The following SPEF2 variants were observed in gnomAD, a reference collection of about 807,000 sequenced individuals.
SPEF2 encodes sperm flagellar and cilia associated 2, also known as sperm flagella and cilia-associated protein 2.
In SPEF2, 187 loss-of-function variants were observed where a neutral mutation model predicts 224.6. The observed-to-expected ratio is 0.83, with a 90% CI of 0.74 to 0.94. The LOEUF (loss-of-function observed/expected upper bound fraction) is 0.94, where lower values mean the gene tolerates loss of function less well. Ranked by LOEUF, SPEF2 falls within the 40% of genes least tolerant of loss-of-function variation. The pLI is 0.00. For synonymous variants in SPEF2, 715 were observed against 707.3 expected (o/e 1.01, Z -0.17); for missense variants, 2,170 against 2,135.6 (o/e 1.02, Z -0.32).
At chr5:35,667,367 A>G in intron 9 of SPEF2, 108 bp downstream of exon 9, 2 of 1,035,928 alleles carry the variant, frequency 1.9e-6, no homozygotes, top group Non-Finnish European at 2.7e-6. Flanking sequence ...AAAATGATTC[A>G]TGAAAAGACT....
chr5:35,676,280 C>A (rs1213789120), intron 10 of SPEF2, among the ~76,000 whole-genome samples: 1 of 150,250 alleles, frequency 6.7e-6, no homozygotes, highest in Non-Finnish European at 1.5e-5. Context: ...GTGGTCAGGG[C>A]TTTTCTGGGC....
chr5:35,737,646 C>T (rs866278342), intron 21 of SPEF2, among the ~76,000 whole-genome samples: 40 of 152,212 alleles, frequency 2.6e-4, no homozygotes, highest in Middle Eastern at 6.8e-3. Context: ...CAAGTCTTTG[C>T]TATTGTGAAT....
At chr5:35,619,400 G>A (rs568820194) in intron 1 of SPEF2, among the ~76,000 whole-genome samples, 1 of 152,094 alleles carries the variant, frequency 6.6e-6, no homozygotes, top group East Asian at 1.9e-4. Context: ...AACCACACCC[G>A]GGCCGGGTGC....
At chr5:35,750,989 ATATATATG>A (rs1370653118) in intron 23 of SPEF2, among the ~76,000 whole-genome samples, 1 of 97,344 alleles carries the variant, frequency 1.0e-5, no homozygotes, top group African/African-American at 3.5e-5. Context: ...TGTGCTATAT[ATATATATG>A]TATATATATA....
At chr5:35,654,439 C>T (rs981685477) in intron 6 of SPEF2, 101 bp from the exon 7 acceptor site, 2 of 921,558 alleles carry the variant, frequency 2.2e-6, no homozygotes, top group Non-Finnish European at 3.1e-6. Context: ...TAACAGTGAA[C>T]TCAAGGGATC....
intron 6 of SPEF2, among the ~76,000 whole-genome samples, chr5:35,653,557 C>G (rs560773441): frequency 6.6e-6 from 1 of 152,212 alleles, no homozygotes; most frequent in East Asian, 1.9e-4. Context: ...TATCAATAGT[C>G]TGCCTATTGT....
In SPEF2 at chr5:35,807,168, A is replaced by C; in HGVS notation, c.5294A>C (p.Asn1765Thr). 1 of 1,613,818 alleles carries C rather than the reference A, an allele frequency of 6.2e-7. No homozygotes were observed. Among genetic ancestry groups the C allele is most frequent in the Non-Finnish European group, 8.5e-7 (1 of 1,179,948 alleles). ...IKTFQDLGAK[N>T]LEPIEVAVLL... ...ACATTTCAAGACCTAGGTGCCAAGA[A>C]CCTGGAGCCAATTGAAGTCGCTGTT... Residue 1765 changes from asparagine to threonine, a missense_variant, in exon 36 of 37, where the codon AAC becomes ACC. Physicochemically the swap from Asn to Thr is moderately conservative, Grantham distance 65. Transcript: ENST00000356031.
At position 35,694,334 on chromosome 5, in the gene SPEF2, TA is replaced by T; in HGVS notation, c.1947del (p.Leu649PhefsTer30). On this transcript the variant is annotated frameshift_variant, in exon 13 of 37. Coordinates refer to ENST00000356031, the MANE Select transcript of SPEF2 (RefSeq NM_024867.4). LOFTEE classifies it high-confidence loss of function. ...FSAGPVSDEV[L>X]PETEGETMLS... Reference sequence around the variant, plus strand: ...GCTGGTCCAGTTTCAGATGAAGTATTACCAGAAACAGAAGGTGAAACAATGC... The same window carrying T: ...GCTGGTCCAGTTTCAGATGAAGTATTCCAGAAACAGAAGGTGAAACAATGC... 6.2e-7 allele frequency: 1 copy of T among 1,613,528 alleles called. No individual in the cohort carries two copies. Among genetic ancestry groups the T allele is most frequent in the Non-Finnish European group, 8.5e-7 (1 of 1,179,690 alleles).
In SPEF2 at chr5:35,698,092, TTG is replaced by T. The variant is rs569125667; in HGVS notation, c.2141+304_2141+305del. ...TGGAAAAGCCAAGGGAAAGACTCAA[TTG>T]TGTGGTCACAGACCACGGGGAAAAA... On this transcript the variant is annotated intron_variant, in intron 15 of 36. Coordinates refer to ENST00000356031, the MANE Select transcript of SPEF2 (RefSeq NM_024867.4). 3.4e-3 allele frequency: 666 copies of T among 193,502 alleles called. 6 individuals carry two copies. The highest frequency in any genetic ancestry group is 0.015 in the African/African-American group (628 of 42,592). The allele number at this position is 193,502 out of a possible 1,614,324, so 12.0% of individuals were successfully genotyped here.
intron 1 of SPEF2, among the ~76,000 whole-genome samples, chr5:35,623,073 G>A (rs190786245): frequency 3.3e-4 from 50 of 152,288 alleles, no homozygotes; most frequent in Admixed American, 5.2e-4. Context: ...TGTAACAAGG[G>A]AGAACATGAA....
At chr5:35,639,666 T>C (rs1193174102) in intron 2 of SPEF2, among the ~76,000 whole-genome samples, 1 of 122,558 alleles carries the variant, frequency 8.2e-6, no homozygotes, top group Non-Finnish European at 1.7e-5. Context: ...GAAGATTTGT[T>C]TTTTTTTTTT....
chr5:35,698,600 G>A (rs556695906), intron 15 of SPEF2: 13 of 152,254 alleles, frequency 8.5e-5, no homozygotes, highest in South Asian at 2.1e-4. Flanking sequence ...ACACCCCATC[G>A]TCAGAACTCC....
rs977323704 is a variant in SPEF2 at position 35,654,818 on chromosome 5, T to G, written c.978+92T>G. On this transcript the variant is annotated intron_variant, in intron 7 of 36. Coordinates refer to ENST00000356031, the MANE Select transcript of SPEF2 (RefSeq NM_024867.4). The stretch of plus-strand genomic sequence containing the variant: ...CATAATATGTAGTTTATATATGTAT[T>G]GTCTGCTACTCTGCATCAAATGTCA... 5 of 1,098,422 alleles carry G rather than the reference T, an allele frequency of 4.6e-6. No homozygotes were observed. In the Admixed American group the frequency reaches 1.4e-4, roughly 30 times the overall value. 68.0% of individuals were successfully genotyped at this position (1,098,422 alleles called of 1,614,324 possible).
At chr5:35,746,540 G>GCAA (rs1748555874) in intron 23 of SPEF2, among the ~76,000 whole-genome samples, 1 of 152,124 alleles carries the variant, frequency 6.6e-6, no homozygotes, top group South Asian at 2.1e-4. Context: ...GAAAGTCTCA[G>GCAA]CAATAGAATT....
At chr5:35,706,208 T>G (rs2149580777) in intron 18 of SPEF2, among the ~76,000 whole-genome samples, 1 of 152,094 alleles carries the variant, frequency 6.6e-6, no homozygotes, top group East Asian at 1.9e-4. Flanking sequence ...GGTTTTACTT[T>G]GTTAGCTTTA....
chr5:35,792,276 T>C, intron 30 of SPEF2, 64 bp from the exon 31 acceptor site: 1 of 1,288,620 alleles, frequency 7.8e-7, no homozygotes, highest in Non-Finnish European at 1.1e-6. Flanking sequence ...GCTTCTATTT[T>C]AGCAAAAGAA....
intron 2 of SPEF2, among the ~76,000 whole-genome samples, chr5:35,629,072 A>T (rs1196139274): frequency 5.4e-5 from 8 of 149,362 alleles, no homozygotes; most frequent in Admixed American, 5.3e-4. Context: ...AGAGATTGTT[A>T]TATGGTTGCA....
At chr5:35,783,717 A>C (rs572881008) in intron 30 of SPEF2, among the ~76,000 whole-genome samples, 37 of 152,220 alleles carry the variant, frequency 2.4e-4, no homozygotes, top group Non-Finnish European at 4.4e-4. Context: ...AGGGAGTACA[A>C]GCATTCCAAA....
At chr5:35,646,527 T>C (rs908608712) in intron 4 of SPEF2, 140 bp from the exon 5 acceptor site, 1 of 695,530 alleles carries the variant, frequency 1.4e-6, no homozygotes, top group African/African-American at 1.8e-5. Context: ...TATTACACAG[T>C]TGTGACACCT....
Sources: allele counts gnomAD v4.1 joint callset (sites outside exome capture counted in the v4.1 genomes callset), GRCh38; gene constraint gnomAD v4.1.1; transcripts MANE v1.5; gene names NCBI Gene and HGNC (gene_info 2026-07-23, HGNC 2026-07-21).